Variants in LAMA3 observed in about 807,000 individuals in gnomAD.
LAMA3 encodes the protein laminin subunit alpha-3.
A neutral mutation model predicts 402.0 loss-of-function variants in LAMA3; 281 were observed. That is an observed-to-expected ratio of 0.70 (90% CI 0.63 to 0.77). The LOEUF is 0.77. Ranked by LOEUF, LAMA3 falls within the 30% of genes least tolerant of loss-of-function variation. The pLI, the probability that LAMA3 is intolerant of heterozygous loss-of-function variation, is 0.00. For missense variants in LAMA3, 3,840 were observed against 4,215.5 expected (o/e 0.91, Z 2.47); for synonymous variants, 1,431 against 1,558.4 (o/e 0.92, Z 1.93).
chr18:23,832,697 T>C (rs1260134473), intron 23 of LAMA3, among the ~76,000 whole-genome samples: 1 of 152,168 alleles, frequency 6.6e-6, no homozygotes, highest in African/African-American at 2.4e-5. Flanking sequence ...TAGGGAAAAT[T>C]AAAGACAACC....
intron 12 of LAMA3, among the ~76,000 whole-genome samples, chr18:23,806,738 G>T (rs1194942686): frequency 1.3e-5 from 2 of 152,184 alleles, no homozygotes; most frequent in Non-Finnish European, 2.9e-5. Flanking sequence ...TTGCAATTCA[G>T]ACCTCGCAGG....
intron 27 of LAMA3, among the ~76,000 whole-genome samples, chr18:23,841,979 A>C (rs2063712245): frequency 6.6e-6 from 1 of 152,142 alleles, no homozygotes; most frequent in African/African-American, 2.4e-5. Flanking sequence ...TAGCACAGTT[A>C]TGAACATATA....
intron 6 of LAMA3, among the ~76,000 whole-genome samples, chr18:23,754,783 A>C (rs2061814371): frequency 6.6e-6 from 1 of 152,254 alleles, no homozygotes; most frequent in African/African-American, 2.4e-5. Flanking sequence ...ACCGGATGCC[A>C]GATATAGTAA....
chr18:23,946,161 TG>T lies in LAMA3; in HGVS notation c.9232del (p.Glu3078LysfsTer10). The T allele has an allele frequency of 1.9e-6, 3 of 1,614,034 alleles. No homozygotes were observed. The highest frequency in any genetic ancestry group is 2.5e-6 in the Non-Finnish European group (3 of 1,179,928). ...KWHTVVFGHD[G>X]EKGRLVVDGL... is the part of the protein sequence containing the mutation. ...CTCTGAAGGTGGTGTTTGGCCATGA[TG>T]GGGAAAAGGGGCGCTTGGTTGTGGA... On this transcript the variant is annotated frameshift_variant, in exon 70 of 75. Coordinates refer to ENST00000313654, the MANE Select transcript of LAMA3 (RefSeq NM_198129.4). LOFTEE classifies it high-confidence loss of function.
At chr18:23,736,954 A>AT (rs1378324694) in intron 2 of LAMA3, among the ~76,000 whole-genome samples, 1 of 152,112 alleles carries the variant, frequency 6.6e-6, no homozygotes, top group African/African-American at 2.4e-5. Flanking sequence ...CCCAGACTGC[A>AT]TTCCCCTAGA....
At chr18:23,953,572 C>A (rs1310906100) in intron 74 of LAMA3, among the ~76,000 whole-genome samples, 1 of 152,008 alleles carries the variant, frequency 6.6e-6, no homozygotes, top group Non-Finnish European at 1.5e-5. Context: ...AAACTCCTGA[C>A]CTCAGGTGAT....
intron 2 of LAMA3, among the ~76,000 whole-genome samples, chr18:23,730,135 C>G (rs889439916): frequency 3.3e-5 from 5 of 152,170 alleles, no homozygotes; most frequent in African/African-American, 9.7e-5. Context: ...TTGCTGGCTA[C>G]TAGAAGCATA....
intron 56 of LAMA3, 33 bp downstream of exon 56, chr18:23,912,914 G>A (rs201385228): frequency 3.8e-6 from 6 of 1,595,122 alleles, no homozygotes; most frequent in Admixed American, 3.3e-5. Context: ...TCTTGTTTTT[G>A]AAACAATGTT....
At chr18:23,869,038 A>G (rs1286150064) in intron 37 of LAMA3, among the ~76,000 whole-genome samples, 1 of 152,246 alleles carries the variant, frequency 6.6e-6, no homozygotes, top group African/African-American at 2.4e-5. Flanking sequence ...AAAAAGTATC[A>G]TATTGTATGA....
intron 12 of LAMA3, among the ~76,000 whole-genome samples, 162 bp from the exon 13 acceptor site, chr18:23,810,204 A>T (rs1369107134): frequency 6.6e-6 from 1 of 152,226 alleles, no homozygotes; most frequent in Non-Finnish European, 1.5e-5. Flanking sequence ...GGCTTAGAGC[A>T]GTTGAGTGGC....
rs1204092669 is a variant in LAMA3 at position 23,933,906 on chromosome 18, A to G, written c.8833A>G (p.Asn2945Asp). ...GTTGCTTAAAGGTTCTACCAGGTTT[A>G]ACAAGACCAAGACTTTTCGTATCAA... ...LMLLKGSTRF[N>D]KTKTFRINQL... is the part of the protein sequence containing the mutation. The change falls in exon 67 of 75, where the codon AAC becomes GAC. Residue 2945 changes from asparagine to aspartate, a missense_variant. Asn to Asp is a conservative substitution (Grantham distance 23). This residue lies in a region of LAMA3 where 840 missense variants were observed against 981.9 expected (regional missense o/e 0.86). Coordinates refer to ENST00000313654, the MANE Select transcript of LAMA3 (RefSeq NM_198129.4). 1 of 1,614,180 alleles carries G rather than the reference A, an allele frequency of 6.2e-7. No homozygotes were observed.
At chr18:23,813,553 C>CTTTTTTTTTTTTTTTTTTTTT (rs1164123647) in intron 14 of LAMA3, among the ~76,000 whole-genome samples, 78 of 115,000 alleles carry the variant, frequency 6.8e-4, no homozygotes, top group Non-Finnish European at 9.6e-4. Context: ...TCTTTTCTTT[C>CTTTTTTTTTTTTTTTTTTTTT]TTTTTTTTTT....
chr18:23,933,990 G>A, intron 67 of LAMA3, 55 bp downstream of exon 67: 1 of 1,572,466 alleles, frequency 6.4e-7, no homozygotes, highest in Non-Finnish European at 8.7e-7. Context: ...ATTCCCCTGA[G>A]CCTGCCTTGT....
chr18:23,814,296 T>C, intron 14 of LAMA3, 107 bp from the exon 15 acceptor site: 1 of 869,492 alleles, frequency 1.2e-6, no homozygotes, highest in Non-Finnish European at 2.0e-6. Flanking sequence ...ACTTAATTAC[T>C]TTTCATGACC....
At chr18:23,859,411 A>AGACTGCTCCCACTTCAGAT (rs533861121) in intron 34 of LAMA3, among the ~76,000 whole-genome samples, 39 of 152,210 alleles carry the variant, frequency 2.6e-4, no homozygotes, top group Non-Finnish European at 5.0e-4. Context: ...CAGTTCTTCC[A>AGACTGCTCCCACTTCAGAT]GACTGCTCCC....
rs1477198106 is a variant in LAMA3 at position 23,915,417 on chromosome 18, T to C, written c.7773T>C (p.Cys2591=). 10 of 1,613,692 alleles carry C rather than the reference T, an allele frequency of 6.2e-6. No homozygotes were observed. Among genetic ancestry groups the C allele is most frequent in the Non-Finnish European group, 8.5e-6 (10 of 1,179,830 alleles). ...FNLNTTEVEP[C]RRRKEESDKN... Reference sequence around the variant, plus strand: ...TCAACACAACTGAAGTGGAGCCTTGTAGAAGGTAAATAAAATGTAGAAACC... The same window carrying C: ...TCAACACAACTGAAGTGGAGCCTTGCAGAAGGTAAATAAAATGTAGAAACC... The change falls in exon 59 of 75, where the codon TGT becomes TGC. Residue 2591 remains cysteine, a synonymous_variant. Coordinates refer to ENST00000313654, the MANE Select transcript of LAMA3 (RefSeq NM_198129.4).
intron 25 of LAMA3, 51 bp downstream of exon 25, chr18:23,837,140 A>T: frequency 7.9e-7 from 1 of 1,266,908 alleles, no homozygotes; most frequent in Non-Finnish European, 1.1e-6. Flanking sequence ...GCTGATATCT[A>T]TATTTTTTGA....
In LAMA3 at chr18:23,943,902, A is replaced by C. The variant is rs1412146446; in HGVS notation, c.9141A>C (p.Ala3047=). ...TTTCAAAAGGACGTCTGGTCTTTGCACTGGGGACAGATGGGAAAAAATTGA... is the reference window on the plus strand; with the variant it reads ...TTTCAAAAGGACGTCTGGTCTTTGCCCTGGGGACAGATGGGAAAAAATTGA... ...LYLSKGRLVF[A]LGTDGKKLRI... is the part of the protein sequence containing the mutation. The change falls in exon 69 of 75, where the codon GCA becomes GCC. Residue 3047 remains alanine, a synonymous_variant. Transcript: ENST00000313654. 6.2e-7 allele frequency: 1 copy of C among 1,613,992 alleles called. No homozygotes were observed. Among genetic ancestry groups the C allele is most frequent in the Non-Finnish European group, 8.5e-7 (1 of 1,179,958 alleles).
chr18:23,951,452 C>T (rs562658107), intron 72 of LAMA3, among the ~76,000 whole-genome samples: 14 of 152,310 alleles, frequency 9.2e-5, no homozygotes, highest in Admixed American at 3.9e-4. Flanking sequence ...CCATTGGCAA[C>T]GACTTCAGGC....
Sources: allele counts gnomAD v4.1 joint callset (sites outside exome capture counted in the v4.1 genomes callset), GRCh38; gene constraint gnomAD v4.1.1; regional missense constraint gnomAD v4.1.1; transcripts MANE v1.5; gene names NCBI Gene and HGNC (gene_info 2026-07-23, HGNC 2026-07-21).